SVIL: variants seen among roughly 807,000 people sequenced by gnomAD.
The protein encoded by SVIL is archvillin.
SVIL carries 101 observed loss-of-function variants against 240.4 expected under a neutral mutation model. The ratio of observed to expected loss-of-function variants is 0.42; its 90% CI spans 0.36 to 0.50. The LOEUF is 0.50. Among genes scored for constraint, SVIL ranks in the 20% least tolerant of loss-of-function variants. The pLI, the probability that SVIL is intolerant of heterozygous loss-of-function variation, is 0.01. For synonymous variants in SVIL, 999 were observed against 1,100.0 expected, an observed-to-expected ratio of 0.91 and a Z score of 1.82; for missense variants, 2,512 against 2,818.7, an observed-to-expected ratio of 0.89 and a Z score of 2.46.
intron 1 of SVIL, among the ~76,000 whole-genome samples, chr10:29,571,166 T>C (rs569676749): frequency 6.6e-6 from 1 of 152,332 alleles, no homozygotes; most frequent in Non-Finnish European, 1.5e-5. Flanking sequence ...ACTTGTATCT[T>C]TGTGCCTATG....
At chr10:29,603,379 A>T (rs1956888803) in intron 1 of SVIL, among the ~76,000 whole-genome samples, 1 of 152,242 alleles carries the variant, frequency 6.6e-6, no homozygotes, top group Non-Finnish European at 1.5e-5. Context: ...TGTATTTCCA[A>T]GAAAGAGTTC....
chr10:29,658,280 C>G (rs1959063013), intron 2 of SVIL, among the ~76,000 whole-genome samples: 1 of 152,136 alleles, frequency 6.6e-6, no homozygotes, highest in Non-Finnish European at 1.5e-5. Context: ...ATAAAAAGTG[C>G]TCAATAAAAG....
At chr10:29,574,205 T>C (rs1238120115) in intron 1 of SVIL, among the ~76,000 whole-genome samples, 1 of 152,166 alleles carries the variant, frequency 6.6e-6, no homozygotes, top group African/African-American at 2.4e-5. Flanking sequence ...GCTGTAATCT[T>C]TAAAGAGAAG....
intron 3 of SVIL, among the ~76,000 whole-genome samples, chr10:29,649,607 AAATTGAAG>A (rs1248416354): frequency 9.2e-5 from 14 of 152,340 alleles, no homozygotes; most frequent in African/African-American, 2.9e-4. Context: ...AGCTTCAAAA[AAATTGAAG>A]CTCAAATATA....
chr10:29,644,514 C>T (rs1448235305), intron 3 of SVIL, among the ~76,000 whole-genome samples: 1 of 152,066 alleles, frequency 6.6e-6, no homozygotes, highest in African/African-American at 2.4e-5. Flanking sequence ...ATGCACTCGG[C>T]CAACCCACAG....
chr10:29,613,331 T>TTTTA (rs754763413), intron 1 of SVIL, among the ~76,000 whole-genome samples: 13 of 152,028 alleles, frequency 8.6e-5, no homozygotes, highest in African/African-American at 1.4e-4. Flanking sequence ...TTATCAAGTA[T>TTTTA]TTTATTTATT....
intron 29 of SVIL, among the ~76,000 whole-genome samples, chr10:29,478,210 G>GT (rs1946415516): frequency 6.6e-6 from 1 of 152,168 alleles, no homozygotes; most frequent in South Asian, 2.1e-4. Context: ...GATTAACACT[G>GT]TACATGCCAC....
In SVIL at chr10:29,467,898, G is replaced by A. The variant is rs371728489; in HGVS notation, c.5844-23C>T. 3.7e-6 allele frequency: 6 copies of A among 1,613,568 alleles called. No homozygotes were observed. The African/African-American group carries it at 6.7e-5, about 18-fold the overall frequency. ...CATCTGCAAGGGAGAAACTCCAAGA[G>A]TTCTTTATAAGTCTGGAGAGTGCTG... On this transcript the variant is annotated intron_variant, in intron 32 of 37. Coordinates refer to ENST00000355867, the MANE Select transcript of SVIL (RefSeq NM_021738.3).
At position 29,522,522 on chromosome 10, in the gene SVIL, G is replaced by A; in HGVS notation, c.3277C>T (p.Gln1093Ter). Residue 1093 changes from glutamine to a stop codon, truncating the protein, a stop_gained, in exon 16 of 38, where the codon CAG (glutamine) becomes TAG (stop). Transcript: ENST00000355867. LOFTEE classifies it high-confidence loss of function. ...CATGGATTCTTGCAGAGCTTCTCCT[G>A]TGGCTGTTCCGAAGAATCCTGGGGC... ...WKPQDSSEQP[Q>*]EKLCKNPCAM... 6.2e-7 allele frequency: 1 copy of A among 1,614,204 alleles called. No homozygotes were observed. The highest frequency in any genetic ancestry group is 8.5e-7 in the Non-Finnish European group (1 of 1,180,036).
chr10:29,601,696 T>A (rs1956819057), intron 1 of SVIL, among the ~76,000 whole-genome samples: 1 of 152,212 alleles, frequency 6.6e-6, no homozygotes. Flanking sequence ...CTAGTGCTTT[T>A]TAGCCATGTG....
At chr10:29,669,454 G>GA (rs1474491600) in intron 2 of SVIL, among the ~76,000 whole-genome samples, 2 of 152,220 alleles carry the variant, frequency 1.3e-5, no homozygotes, top group Non-Finnish European at 2.9e-5. Context: ...AGTTTATTCT[G>GA]AGAGTTTCTA....
rs942082140 is a variant in SVIL at position 29,560,446 on chromosome 10, C to T, written c.-51+2755G>A. On this transcript the variant is annotated intron_variant, in intron 3 of 37. Transcript: ENST00000355867. ...AATACGTTTGGTCCACTTCATAATTCCTAAATAAAAAATCTTTTTAAATAT... is the reference window on the plus strand; with the variant it reads ...AATACGTTTGGTCCACTTCATAATTTCTAAATAAAAAATCTTTTTAAATAT... 3.9e-5 allele frequency among the ~76,000 whole-genome samples: 6 copies of T among 152,212 alleles called. No individual in the cohort carries two copies. The South Asian group carries it at 1.2e-3, about 32-fold the overall frequency.
chr10:29,499,134 C>T lies in SVIL; in HGVS notation c.3646G>A (p.Gly1216Ser). 1 of 1,606,852 alleles carries T rather than the reference C, an allele frequency of 6.2e-7. No individual in the cohort carries two copies. The highest frequency in any genetic ancestry group is 8.5e-7 in the Non-Finnish European group (1 of 1,179,756). ...ANDSTQFTVA[G>S]RMVKKGLASP... ...CACTGACCTTTCTTCACCATCCTGC[C>T]AGCCACAGTGAACTGGGTCGAGTCG... The change falls in exon 18 of 38, where the codon GGC (glycine) becomes AGC (serine). Residue 1216 changes from glycine to serine, a missense_variant. Gly to Ser is a moderately conservative substitution (Grantham distance 56, BLOSUM62 0). Coordinates refer to ENST00000355867, the MANE Select transcript of SVIL (RefSeq NM_021738.3).
Position 29,522,630 on chromosome 10 carries a change from C to G in SVIL, c.3169G>C (p.Glu1057Gln). 1 of 1,613,904 alleles carries G rather than the reference C, an allele frequency of 6.2e-7. No individual in the cohort carries two copies. The change falls in exon 16 of 38, where the codon GAG becomes CAG. Residue 1057 changes from glutamate to glutamine, a missense_variant. Around this residue, in one of 3 missense-constraint regions of SVIL, gnomAD observed 1,443 missense variants for 1,486.6 expected, o/e 0.97. Coordinates refer to ENST00000355867, the MANE Select transcript of SVIL (RefSeq NM_021738.3). ...TGCTCGGAAGTGGGCTCCCCGAACT[C>G]TGCCGCTGGGAAGGAAAAGAGCAAC... ...MKRKFSLRAA[E>Q]FGEPTSEQTG...
At chr10:29,500,747 G>A (rs951483435) in intron 17 of SVIL, among the ~76,000 whole-genome samples, 3 of 152,126 alleles carry the variant, frequency 2.0e-5, no homozygotes, top group Non-Finnish European at 2.9e-5. Context: ...AAGGCCTCGC[G>A]CTGACACAGG....
At chr10:29,524,138 G>A in intron 14 of SVIL, 111 bp from the exon 15 acceptor site, 5 of 1,147,846 alleles carry the variant, frequency 4.4e-6, no homozygotes, top group Non-Finnish European at 6.0e-6. Flanking sequence ...CAGTTTCACT[G>A]TTTCTCTTAG....
chr10:29,608,816 A>T (rs1322950619), intron 1 of SVIL, among the ~76,000 whole-genome samples: 1 of 152,210 alleles, frequency 6.6e-6, no homozygotes, highest in Non-Finnish European at 1.5e-5. Flanking sequence ...CTAGGCAGGA[A>T]GGGGTGGGTC....
intron 12 of SVIL, among the ~76,000 whole-genome samples, chr10:29,528,547 T>C (rs932479407): frequency 2.0e-5 from 3 of 151,886 alleles, no homozygotes; most frequent in African/African-American, 7.3e-5. Context: ...AAGATCAGAC[T>C]GGGCAACATG....
chr10:29,719,924 T>C (rs1963872906), intron 1 of SVIL, among the ~76,000 whole-genome samples: 1 of 152,162 alleles, frequency 6.6e-6, no homozygotes, highest in African/African-American at 2.4e-5. Flanking sequence ...TGAAAAATTA[T>C]GCCAAACCTA....
Sources: allele counts gnomAD v4.1 joint callset (sites outside exome capture counted in the v4.1 genomes callset), GRCh38; gene constraint gnomAD v4.1.1; regional missense constraint gnomAD v4.1.1; transcripts MANE v1.5; gene names NCBI Gene and HGNC (gene_info 2026-07-23, HGNC 2026-07-21).